ADGRD1: variants seen among roughly 807,000 people sequenced by gnomAD.
ADGRD1 encodes the protein adhesion G protein-coupled receptor D1.
A neutral mutation model predicts 113.4 loss-of-function variants in ADGRD1; 77 were observed. The ratio of observed to expected loss-of-function variants is 0.68; its 90% CI spans 0.57 to 0.82. The LOEUF (loss-of-function observed/expected upper bound fraction) is 0.82, where lower values mean the gene tolerates loss of function less well. Ranked by LOEUF, ADGRD1 falls within the 40% of genes least tolerant of loss-of-function variation. The pLI is 0.00. For synonymous variants in ADGRD1, 474 were observed against 475.0 expected (o/e 1.00, Z 0.03); for missense variants, 1,036 against 1,139.1 (o/e 0.91, Z 1.30).
At chr12:131,117,995 A>C (rs2137399758) in intron 18 of ADGRD1, among the ~76,000 whole-genome samples, 1 of 152,304 alleles carries the variant, frequency 6.6e-6, no homozygotes, top group South Asian at 2.1e-4. Context: ...TAGATGACTT[A>C]AGCCATTGCC....
At chr12:131,028,839 C>T (rs149051140) in intron 13 of ADGRD1, among the ~76,000 whole-genome samples, 54 of 152,320 alleles carry the variant, frequency 3.5e-4, no homozygotes, top group Admixed American at 9.8e-4. Flanking sequence ...GGCCTGAGAC[C>T]GGCTCGTGTA....
Position 130,984,712 on chromosome 12 carries a change from C to T in ADGRD1, c.491-2383C>T, listed in dbSNP as rs1230512205. Among the ~76,000 whole-genome samples, 2 of 152,008 alleles carry T rather than the reference C, an allele frequency of 1.3e-5. No individual in the cohort carries two copies. Among genetic ancestry groups the T allele is most frequent in the Non-Finnish European group, 2.9e-5 (2 of 67,994 alleles). ...CATTCTATGGGTTGGTGAGGTTGAT[C>T]TTTCGCCCATTTTAAAAATTGGATT... On this transcript the variant is annotated intron_variant, in intron 5 of 24. Coordinates refer to ENST00000261654, the MANE Select transcript of ADGRD1 (RefSeq NM_198827.5). The surrounding 1 kb of genome is among the most constrained non-coding windows in gnomAD (Gnocchi z 4.1).
At chr12:131,087,697 C>T (rs541143330) in intron 15 of ADGRD1, among the ~76,000 whole-genome samples, 10 of 147,018 alleles carry the variant, frequency 6.8e-5, no homozygotes, top group Admixed American at 5.6e-4. Context: ...GCAGCTGCCC[C>T]GCCAGCGACT....
At chr12:131,056,464 G>A (rs1380331987) in intron 13 of ADGRD1, among the ~76,000 whole-genome samples, 2 of 152,194 alleles carry the variant, frequency 1.3e-5, no homozygotes, top group African/African-American at 4.8e-5. Flanking sequence ...AAGGTGGAGG[G>A]TTCCTCTGGG....
intron 21 of ADGRD1, among the ~76,000 whole-genome samples, chr12:131,132,323 G>C (rs939046611): frequency 6.6e-6 from 1 of 152,152 alleles, no homozygotes; most frequent in Admixed American, 6.5e-5. Context: ...GAGAAGGGGC[G>C]GGGTCTCTGG....
At chr12:131,125,102 G>T (rs1393367112) in intron 20 of ADGRD1, among the ~76,000 whole-genome samples, 1 of 152,174 alleles carries the variant, frequency 6.6e-6, no homozygotes, top group Non-Finnish European at 1.5e-5. Flanking sequence ...ATAAGTGACT[G>T]CCTAAGCCAG....
intron 6 of ADGRD1, chr12:130,990,468 G>A (rs1874244152): frequency 6.6e-6 from 1 of 152,486 alleles, no homozygotes; most frequent in African/African-American, 2.4e-5. Flanking sequence ...TTCATTGTTT[G>A]TAATAATTCA....
chr12:131,105,662 A>G, intron 16 of ADGRD1, 92 bp from the exon 17 acceptor site: 1 of 864,662 alleles, frequency 1.2e-6, no homozygotes, highest in South Asian at 1.5e-5. Context: ...TCTTGGAGGA[A>G]TGGATATAGG....
In ADGRD1 at chr12:131,005,986, G is replaced by A. The variant is rs753279251; in HGVS notation, c.1270G>A (p.Val424Met). Reference protein sequence around the residue: ...AFHRHAWSTVVGLLYHSMHYY... With the variant: ...AFHRHAWSTVMGLLYHSMHYY... Reference sequence around the variant, plus strand: ...TCTCTCTGCAGCCTGGAGCACCGTCGTGGGTCTGCTGTACCACAGCATGCA... The same window carrying A: ...TCTCTCTGCAGCCTGGAGCACCGTCATGGGTCTGCTGTACCACAGCATGCA... The change falls in exon 12 of 25, where the codon GTG becomes ATG. Residue 424 changes from valine (V) to methionine (M), a missense_variant. Transcript: ENST00000261654. 1.1e-5 allele frequency: 17 copies of A among 1,611,824 alleles called. No homozygotes were observed. The East Asian group carries it at 1.6e-4, about 15-fold the overall frequency.
intron 13 of ADGRD1, among the ~76,000 whole-genome samples, chr12:131,071,717 G>T (rs1168277583): frequency 2.0e-5 from 3 of 152,174 alleles, no homozygotes; most frequent in Non-Finnish European, 4.4e-5. Flanking sequence ...GTGGAGACCC[G>T]GATGCCGGGT....
rs569406262 is a variant in ADGRD1 at position 131,041,560 on chromosome 12, TTCAGAA to T, written c.1473+27224_1473+27229del. On this transcript the variant is annotated intron_variant, in intron 13 of 24. Transcript: ENST00000261654. The surrounding 1 kb of genome is among the most constrained non-coding windows in gnomAD (Gnocchi z 4.4). ...ACTGTGGTGGCCAGGACAGCATGTA[TTCAGAA>T]TCAAAGAAACAGGAAAGCAAACATC... Among the ~76,000 whole-genome samples, 164 of 152,124 alleles carry T rather than the reference TTCAGAA, an allele frequency of 1.1e-3. No individual in the cohort carries two copies. Among genetic ancestry groups the T allele is most frequent in the African/African-American group, 3.7e-3 (153 of 41,508 alleles).
chr12:131,038,509 G>T (rs764057962), intron 13 of ADGRD1, among the ~76,000 whole-genome samples: 2 of 152,226 alleles, frequency 1.3e-5, no homozygotes, highest in Non-Finnish European at 2.9e-5. Context: ...TCTTCTCTGT[G>T]ACTGGGGCCA....
chr12:131,053,420 A>T (rs1207164214), intron 13 of ADGRD1, among the ~76,000 whole-genome samples: 1 of 152,232 alleles, frequency 6.6e-6, no homozygotes, highest in Non-Finnish European at 1.5e-5. Flanking sequence ...AATCAGGAAA[A>T]TGTGTATCTT....
At position 131,041,083 on chromosome 12, in the gene ADGRD1, C is replaced by T. The variant is rs1285302457; in HGVS notation, c.1473+26743C>T. On this transcript the variant is annotated intron_variant, in intron 13 of 24. Transcript: ENST00000261654. This position sits in a 1 kb window ranked among gnomAD's most constrained non-coding sequence, Gnocchi z 4.4. ...GTTGTGACCTGTGGTGATGATGCCA[C>T]CATTTCTCTGATGCCCTCACTTGTC... 6.6e-6 allele frequency among the ~76,000 whole-genome samples: 1 copy of T among 152,166 alleles called. No homozygotes were observed. Among genetic ancestry groups the T allele is most frequent in the African/African-American group, 2.4e-5 (1 of 41,440 alleles).
intron 15 of ADGRD1, among the ~76,000 whole-genome samples, chr12:131,100,953 A>G (rs963861275): frequency 2.6e-5 from 4 of 152,196 alleles, no homozygotes; most frequent in Non-Finnish European, 2.9e-5. Flanking sequence ...GGTAGATGTG[A>G]GGGCTCTTTC....
chr12:131,109,666 G>A (rs1354509411), intron 18 of ADGRD1, among the ~76,000 whole-genome samples: 5 of 152,154 alleles, frequency 3.3e-5, no homozygotes, highest in Admixed American at 2.6e-4. Context: ...TATCTATCCT[G>A]GAAAGTGTTC....
chr12:130,956,975 C>T (rs530070920), intron 2 of ADGRD1: 1 of 152,598 alleles, frequency 6.6e-6, no homozygotes, highest in East Asian at 1.9e-4. Context: ...CATCCATACA[C>T]ATCAGACATG....
At chr12:131,070,713 G>T in intron 13 of ADGRD1, 1 of 456,574 alleles carries the variant, frequency 2.2e-6, no homozygotes, top group East Asian at 5.7e-5. Context: ...GTCCATCACT[G>T]CAAGGCTCCA....
chr12:131,033,014 G>A (rs994061807), intron 13 of ADGRD1, among the ~76,000 whole-genome samples: 6 of 151,998 alleles, frequency 3.9e-5, no homozygotes, highest in African/African-American at 7.2e-5. Context: ...TCGCCACCCC[G>A]TCACAGAGAC....
Sources: allele counts gnomAD v4.1 joint callset (sites outside exome capture counted in the v4.1 genomes callset), GRCh38; gene constraint gnomAD v4.1.1; non-coding constraint Gnocchi (gnomAD v3.1); transcripts MANE v1.5; gene names NCBI Gene and HGNC (gene_info 2026-07-23, HGNC 2026-07-21).